EDA: variants seen among roughly 807,000 people sequenced by gnomAD.
The protein encoded by EDA is ectodysplasin-A.
EDA carries 2 observed loss-of-function variants against 23.6 expected under a neutral mutation model. The ratio of observed to expected loss-of-function variants is 0.08; its 90% CI spans 0.03 to 0.27. The LOEUF is 0.27. Ranked by LOEUF, EDA falls within the 10% of genes least tolerant of loss-of-function variation. The pLI is 1.00. For synonymous variants in EDA, 131 were observed against 132.0 expected (o/e 0.99, Z 0.05); for missense variants, 229 against 324.2 (o/e 0.71, Z 2.26).
chrX:69,616,479 G>T lies in EDA; in HGVS notation c.171G>T (p.Thr57=). The change falls in exon 1 of 8, where the codon ACG becomes ACT. Residue 57 remains threonine, a synonymous_variant. Transcript: ENST00000374552. ...FGLSLALHLL[T]LCCYLELRSE... is the part of the protein sequence containing the mutation. ...TCTCGCTGGCCCTCCACCTGCTGAC[G>T]TTGTGCTGCTACCTAGAGTTGCGCT... The T allele has an allele frequency of 8.3e-7, 1 of 1,212,046 alleles. No individual in the cohort carries two copies. The highest frequency in any genetic ancestry group is 1.7e-5 in the African/African-American group (1 of 57,949).
intron 2 of EDA, among the ~76,000 whole-genome samples, chrX:70,005,465 G>A (rs1484447323): frequency 9.0e-6 from 1 of 111,238 alleles, no homozygotes; most frequent in African/African-American, 3.3e-5. Flanking sequence ...ACAGAGATGA[G>A]TAATTCACAG....
Position 69,961,027 on chromosome X carries a change from A to AG in EDA, c.502+3895_502+3896insG, listed in dbSNP as rs771926037. On this transcript the variant is annotated intron_variant, in intron 2 of 7. Coordinates refer to ENST00000374552, the MANE Select transcript of EDA (RefSeq NM_001399.5). ...GAGTGAAACTCCATCCAAAAAAAGA[A>AG]AAAAAAAGAAAGAAAGAAAGAAAGA... Among the ~76,000 whole-genome samples the AG allele has an allele frequency of 6.9e-4, 72 of 104,968 alleles. No homozygotes were observed. The South Asian group carries it at 0.014, about 20-fold the overall frequency. 91.2% of individuals were successfully genotyped at this position (104,968 alleles called of 115,157 possible). A position where few individuals can be genotyped will look rare whatever the true frequency, so the allele number is the denominator to read the frequency against.
At chrX:69,976,946 GATTGACAAGTTCAAAGATTTTGGA>G (rs1221448957) in intron 2 of EDA, among the ~76,000 whole-genome samples, 4 of 111,914 alleles carry the variant, frequency 3.6e-5, no homozygotes, top group Non-Finnish European at 5.6e-5. Context: ...TCACATTATT[GATTGACAAGTTCAAAGATTTTGGA>G]TACATTTCTT....
At chrX:69,625,093 C>T (rs1602229888) in intron 1 of EDA, among the ~76,000 whole-genome samples, 3 of 111,107 alleles carry the variant, frequency 2.7e-5, no homozygotes, top group Admixed American at 1.9e-4. Context: ...GTATCATGCA[C>T]TGTACAAAAC....
intron 1 of EDA, among the ~76,000 whole-genome samples, chrX:69,744,310 C>G (rs1024208153): frequency 1.8e-5 from 2 of 111,644 alleles, no homozygotes; most frequent in Non-Finnish European, 3.8e-5. Context: ...AACTGAGGCT[C>G]AAAACAGTGA....
chrX:69,641,135 T>C (rs1209509493), intron 1 of EDA, among the ~76,000 whole-genome samples: 1 of 111,552 alleles, frequency 9.0e-6, no homozygotes, highest in East Asian at 2.8e-4. Flanking sequence ...TGTTGTTTTT[T>C]TTTTCCTGAC....
At chrX:69,635,224 C>T (rs957349393) in intron 1 of EDA, among the ~76,000 whole-genome samples, 14 of 111,880 alleles carry the variant, frequency 1.3e-4, no homozygotes, top group African/African-American at 4.2e-4. Context: ...TATATTCTCC[C>T]AGTGTGATCT....
At chrX:69,680,448 G>T (rs1934294390) in intron 1 of EDA, among the ~76,000 whole-genome samples, 1 of 47,310 alleles carries the variant, frequency 2.1e-5, no homozygotes, top group Non-Finnish European at 3.1e-5. Flanking sequence ...ATTAATGTGT[G>T]GGAGTCTAAG....
intron 2 of EDA, among the ~76,000 whole-genome samples, chrX:69,979,889 G>A (rs1166018384): frequency 1.8e-5 from 2 of 111,279 alleles, no homozygotes; most frequent in Non-Finnish European, 3.8e-5. Flanking sequence ...TTTTGATAAA[G>A]TTCAATTCAT....
chrX:69,718,949 C>A (rs2012458984), intron 1 of EDA, among the ~76,000 whole-genome samples: 1 of 111,438 alleles, frequency 9.0e-6, no homozygotes, highest in South Asian at 3.7e-4. Context: ...TTTTCAGGAG[C>A]TTTTAAATTA....
chrX:69,670,120 G>A, intron 1 of EDA: 1 of 303,779 alleles, frequency 3.3e-6, no homozygotes, highest in Non-Finnish European at 5.7e-6. Flanking sequence ...TTCTTGTCTG[G>A]GAAAAACTGT....
intron 1 of EDA, among the ~76,000 whole-genome samples, chrX:69,676,585 A>T (rs962715565): frequency 2.7e-5 from 3 of 110,379 alleles, no homozygotes; most frequent in Admixed American, 9.7e-5. Context: ...ATTCTGTTCT[A>T]TACCATACTT....
At chrX:69,706,871 C>T (rs1024108793) in intron 1 of EDA, among the ~76,000 whole-genome samples, 1 of 111,324 alleles carries the variant, frequency 9.0e-6, no homozygotes. Context: ...GCATGTCTGA[C>T]CCCCACTTCC....
chrX:69,902,167 C>T (rs2018107873), intron 1 of EDA, among the ~76,000 whole-genome samples: 1 of 73,841 alleles, frequency 1.4e-5, no homozygotes, highest in Non-Finnish European at 3.0e-5. Context: ...ACTGAGAACC[C>T]ATGCATGAAT....
chrX:69,636,632 G>GTTT (rs200303089), intron 1 of EDA, among the ~76,000 whole-genome samples: 1 of 89,461 alleles, frequency 1.1e-5, no homozygotes, highest in African/African-American at 4.1e-5. Context: ...CTGGTTCATG[G>GTTT]TTTTTTTTTT....
At position 69,957,547 on chromosome X, in the gene EDA, C is replaced by T. The variant is rs146555640; in HGVS notation, c.502+415C>T. 492 of 149,279 alleles carry T rather than the reference C, an allele frequency of 3.3e-3. 1 individual carries two copies. Among genetic ancestry groups the T allele is most frequent in the African/African-American group, 0.015 (456 of 31,237 alleles). The allele number at this position is 149,279 out of a possible 1,213,427, so 12.3% of individuals were successfully genotyped here. Reference sequence around the variant, plus strand: ...GTGCTTCATCATCTTATATACTGTCCACCACAGACCCAAGGTCATAGACTA... The same window carrying T: ...GTGCTTCATCATCTTATATACTGTCTACCACAGACCCAAGGTCATAGACTA... On this transcript the variant is annotated intron_variant, in intron 2 of 7. Coordinates refer to ENST00000374552, the MANE Select transcript of EDA (RefSeq NM_001399.5).
chrX:69,954,422 C>G lies in EDA; in HGVS notation c.397-2605C>G, dbSNP rs937295835. Among the ~76,000 whole-genome samples, 3 of 111,284 alleles carry G rather than the reference C, an allele frequency of 2.7e-5. No homozygotes were observed. The Admixed American group carries it at 2.9e-4, about 11-fold the overall frequency. ...TGCTTCCCCTCTTGCTCCCAGAGAA[C>G]TTGAAGCTCCTCTCCATCAAAGCAT... On this transcript the variant is annotated intron_variant, in intron 1 of 7. Transcript: ENST00000374552.
At chrX:69,954,718 A>G (rs1160670913) in intron 1 of EDA, among the ~76,000 whole-genome samples, 3 of 111,891 alleles carry the variant, frequency 2.7e-5, no homozygotes, top group African/African-American at 3.2e-5. Flanking sequence ...AGTTTGTTAC[A>G]TACATAACTG....
At position 69,752,709 on chromosome X, in the gene EDA, G is replaced by T. The variant is rs968053146; in HGVS notation, c.396+136005G>T. On this transcript the variant is annotated intron_variant, in intron 1 of 7. Transcript: ENST00000374552. ...TCGGCTGTGAATCCATCTGGTCCTG[G>T]ACTGTTTTGGTTGGTAGGCTATTAA... 6.3e-5 allele frequency among the ~76,000 whole-genome samples: 7 copies of T among 111,709 alleles called. No homozygotes were observed. The South Asian group carries it at 1.5e-3, about 24-fold the overall frequency.
Sources: allele counts gnomAD v4.1 joint callset (sites outside exome capture counted in the v4.1 genomes callset), GRCh38; gene constraint gnomAD v4.1.1; transcripts MANE v1.5; gene names NCBI Gene and HGNC (gene_info 2026-07-23, HGNC 2026-07-21).